The following DLC1 variants were observed in gnomAD, a reference collection of about 807,000 sequenced individuals.
The protein encoded by DLC1 is rho GTPase-activating protein 7.
In DLC1, 54 loss-of-function variants were observed where a neutral mutation model predicts 140.3. That is an observed-to-expected ratio of 0.38 (90% CI 0.31 to 0.48). The LOEUF is 0.48. DLC1 is among the 20% of genes least tolerant of loss of function. DLC1 has a pLI of 0.96. For synonymous variants in DLC1, 986 were observed against 728.1 expected, an observed-to-expected ratio of 1.35 and a Z score of -5.70; for missense variants, 2,536 against 1,907.0, an observed-to-expected ratio of 1.33 and a Z score of -6.14.
At chr8:13,549,849 A>T (rs954003893) in intron 1 of DLC1, among the ~76,000 whole-genome samples, 1 of 152,138 alleles carries the variant, frequency 6.6e-6, no homozygotes, top group Non-Finnish European at 1.5e-5. Context: ...GTCTAGCAAC[A>T]TGTTACCCTT....
At chr8:13,189,427 C>G (rs954375688) in intron 5 of DLC1, among the ~76,000 whole-genome samples, 2 of 150,678 alleles carry the variant, frequency 1.3e-5, no homozygotes, top group African/African-American at 2.4e-5. Flanking sequence ...GCAGTAAGCT[C>G]TGATCATGCC....
At chr8:13,434,765 A>G (rs1264897323) in intron 2 of DLC1, among the ~76,000 whole-genome samples, 2 of 152,086 alleles carry the variant, frequency 1.3e-5, no homozygotes, top group Non-Finnish European at 2.9e-5. Context: ...TGCAGCCTCA[A>G]ACTCCCAGGC....
intron 4 of DLC1, among the ~76,000 whole-genome samples, chr8:13,385,953 T>C (rs1463093797): frequency 6.6e-6 from 1 of 152,198 alleles, no homozygotes; most frequent in Non-Finnish European, 1.5e-5. Context: ...GTGAAGACTG[T>C]GAAAATGGCT....
At chr8:13,568,992 C>A (rs1022057854) in intron 1 of DLC1, among the ~76,000 whole-genome samples, 2 of 152,104 alleles carry the variant, frequency 1.3e-5, no homozygotes, top group Non-Finnish European at 1.5e-5. Context: ...GAGAGAAGAA[C>A]GCTTAAACAA....
chr8:13,564,206 A>G (rs1427297127), intron 1 of DLC1, among the ~76,000 whole-genome samples: 1 of 152,226 alleles, frequency 6.6e-6, no homozygotes, highest in Non-Finnish European at 1.5e-5. Flanking sequence ...AGAAAACAGA[A>G]TAGAAAGATG....
At chr8:13,505,321 A>G (rs1802007152) in intron 1 of DLC1, among the ~76,000 whole-genome samples, 1 of 152,098 alleles carries the variant, frequency 6.6e-6, no homozygotes, top group African/African-American at 2.4e-5. Context: ...TTTCTGTAGC[A>G]GGAAGTTAAC....
intron 1 of DLC1, among the ~76,000 whole-genome samples, chr8:13,547,605 G>C (rs933944784): frequency 6.6e-6 from 1 of 152,040 alleles, no homozygotes; most frequent in Non-Finnish European, 1.5e-5. Context: ...TTTTGCCTCT[G>C]TCGGCAGCAG....
rs913314295 is a variant in DLC1 at position 13,083,853 on chromosome 8, G to A, written c.*1958C>T. 1.3e-5 allele frequency: 2 copies of A among 152,620 alleles called. No homozygotes were observed. The highest frequency in any genetic ancestry group is 6.5e-5 in the Admixed American group (1 of 15,276). The allele number at this position is 152,620 out of a possible 1,614,324, so 9.5% of individuals were successfully genotyped here. On this transcript the variant is annotated 3_prime_UTR_variant, in exon 18 of 18. Transcript: ENST00000276297. ...ATTGTAGTTGATGCTAAAATGCTAT[G>A]CTTTGCAATCTGTGGTTTTAAGGGT...
intron 5 of DLC1, among the ~76,000 whole-genome samples, chr8:13,139,974 GTTA>G (rs1822852537): frequency 6.6e-6 from 1 of 152,120 alleles, no homozygotes; most frequent in South Asian, 2.1e-4. Flanking sequence ...GTGCATTCAC[GTTA>G]TTGTGTGACG....
intron 5 of DLC1, among the ~76,000 whole-genome samples, chr8:13,143,037 C>G (rs1363623403): frequency 3.0e-5 from 4 of 133,856 alleles, no homozygotes; most frequent in African/African-American, 1.2e-4. Flanking sequence ...AAGTGAAACT[C>G]CGTCTCAAAA....
chr8:13,293,172 A>G (rs1831827002), intron 5 of DLC1, among the ~76,000 whole-genome samples: 1 of 152,242 alleles, frequency 6.6e-6, no homozygotes, highest in Non-Finnish European at 1.5e-5. Context: ...CCAGGCTGCC[A>G]TGAGACATGA....
At chr8:13,472,973 GA>G (rs1164695457) in intron 2 of DLC1, among the ~76,000 whole-genome samples, 2 of 151,958 alleles carry the variant, frequency 1.3e-5, no homozygotes, top group South Asian at 2.1e-4. Context: ...TAAGAGTAAG[GA>G]AAAAAAGAAA....
chr8:13,130,479 T>C (rs1821986885), intron 5 of DLC1, among the ~76,000 whole-genome samples: 1 of 152,220 alleles, frequency 6.6e-6, no homozygotes, highest in African/African-American at 2.4e-5. Context: ...GTCTTTGCTC[T>C]CTCAACTACA....
chr8:13,125,660 C>A (rs779662733), intron 5 of DLC1, among the ~76,000 whole-genome samples: 1 of 152,086 alleles, frequency 6.6e-6, no homozygotes, highest in Non-Finnish European at 1.5e-5. Context: ...AGTGCCCTCA[C>A]TTGTAAATCA....
At chr8:13,272,738 G>A (rs577187026) in intron 5 of DLC1, among the ~76,000 whole-genome samples, 5 of 152,100 alleles carry the variant, frequency 3.3e-5, no homozygotes, top group East Asian at 1.9e-4. Context: ...GCTGGGCGTG[G>A]TGGTGGGCGC....
chr8:13,290,687 C>G (rs1333198379), intron 5 of DLC1, among the ~76,000 whole-genome samples: 1 of 151,962 alleles, frequency 6.6e-6, no homozygotes, highest in Non-Finnish European at 1.5e-5. Context: ...GTGCCAATTG[C>G]TGAATAGTGG....
At chr8:13,288,439 C>G (rs1422775914) in intron 5 of DLC1, among the ~76,000 whole-genome samples, 1 of 152,196 alleles carries the variant, frequency 6.6e-6, no homozygotes, top group Non-Finnish European at 1.5e-5. Context: ...CTCCAGCTGG[C>G]TGGGCTGCTC....
intron 10 of DLC1, 170 bp from the exon 11 acceptor site, chr8:13,095,415 C>A: frequency 1.3e-6 from 1 of 762,848 alleles, no homozygotes; most frequent in Non-Finnish European, 2.1e-6. Flanking sequence ...GTGGTACTGG[C>A]CACACTTCAG....
intron 4 of DLC1, among the ~76,000 whole-genome samples, chr8:13,378,057 T>C (rs1482778317): frequency 2.0e-5 from 3 of 149,474 alleles, no homozygotes; most frequent in African/African-American, 7.3e-5. Flanking sequence ...TGATCTTTTT[T>C]TGGACATTAT....
Sources: gnomAD v4.1 joint callset for allele counts (sites outside exome capture counted in the v4.1 genomes callset) on GRCh38, gnomAD v4.1.1 for gene constraint, MANE v1.5 for transcripts, NCBI Gene and HGNC (gene_info 2026-07-23, HGNC 2026-07-21) for gene names.